The following ZNF385D variants were observed in gnomAD, a reference collection of about 807,000 sequenced individuals.
ZNF385D encodes the protein zinc finger protein 659.
ZNF385D carries 15 observed loss-of-function variants against 35.8 expected under a neutral mutation model. The ratio of observed to expected loss-of-function variants is 0.42; its 90% confidence interval spans 0.28 to 0.64. The LOEUF is 0.64. Ranked by LOEUF, ZNF385D falls within the 30% of genes least tolerant of loss-of-function variation. ZNF385D has a pLI of 0.23. For synonymous variants in ZNF385D, 212 were observed against 186.8 expected (o/e 1.13, Z -1.10); for missense variants, 474 against 494.6 (o/e 0.96, Z 0.39).
At chr3:21,727,535 A>G (rs186296134) in intron 1 of ZNF385D, among the ~76,000 whole-genome samples, 41 of 152,380 alleles carry the variant, frequency 2.7e-4, no homozygotes, top group African/African-American at 9.1e-4. Context: ...TCTCAAAAGG[A>G]GACATTTATG....
intron 3 of ZNF385D, among the ~76,000 whole-genome samples, chr3:21,889,357 G>A (rs149030972): frequency 2.0e-3 from 298 of 152,212 alleles, no homozygotes; most frequent in Middle Eastern, 0.014. Context: ...GGCGCCAGAC[G>A]ACCTAGCCTG....
At chr3:21,567,736 G>GAAAT (rs1425298412) in intron 2 of ZNF385D, among the ~76,000 whole-genome samples, 1 of 152,050 alleles carries the variant, frequency 6.6e-6, no homozygotes, top group Non-Finnish European at 1.5e-5. Flanking sequence ...ATGATACTTT[G>GAAAT]AAATAAAAAT....
At chr3:22,121,336 C>T (rs1703078806) in intron 3 of ZNF385D, among the ~76,000 whole-genome samples, 1 of 152,192 alleles carries the variant, frequency 6.6e-6, no homozygotes, top group South Asian at 2.1e-4. Context: ...TCACACAGGA[C>T]CTCATGCATG....
At chr3:21,938,102 T>C (rs1701347403) in intron 3 of ZNF385D, among the ~76,000 whole-genome samples, 1 of 152,242 alleles carries the variant, frequency 6.6e-6, no homozygotes, top group South Asian at 2.1e-4. Context: ...GCATAGAATA[T>C]TGTAGACAAT....
At chr3:22,357,860 C>T (rs1696227758) in intron 2 of ZNF385D, among the ~76,000 whole-genome samples, 1 of 152,022 alleles carries the variant, frequency 6.6e-6, no homozygotes, top group African/African-American at 2.4e-5. Flanking sequence ...AGTAATCTAA[C>T]TTCAAGGGGG....
At chr3:21,885,259 T>C (rs966813153) in intron 3 of ZNF385D, among the ~76,000 whole-genome samples, 1 of 152,068 alleles carries the variant, frequency 6.6e-6, no homozygotes, top group African/African-American at 2.4e-5. Flanking sequence ...CCAAAATTCA[T>C]TTTTTTCTTT....
chr3:21,737,441 T>G (rs2069297078), intron 1 of ZNF385D, among the ~76,000 whole-genome samples: 1 of 148,856 alleles, frequency 6.7e-6, no homozygotes, highest in African/African-American at 2.5e-5. Flanking sequence ...TTCCATTATA[T>G]GTATAAACAA....
chr3:22,126,664 G>T (rs1017699276), intron 3 of ZNF385D, among the ~76,000 whole-genome samples: 1 of 152,038 alleles, frequency 6.6e-6, no homozygotes, highest in Admixed American at 6.6e-5. Flanking sequence ...TGCAGCCATT[G>T]GATGAAATGT....
intron 1 of ZNF385D, among the ~76,000 whole-genome samples, chr3:21,721,265 C>A (rs1042528885): frequency 6.6e-6 from 1 of 152,008 alleles, no homozygotes; most frequent in Non-Finnish European, 1.5e-5. Context: ...ATTTAAGATT[C>A]TTACCTTCAG....
At chr3:22,368,627 G>A (rs1696763820) in intron 2 of ZNF385D, among the ~76,000 whole-genome samples, 1 of 152,102 alleles carries the variant, frequency 6.6e-6, no homozygotes, top group Admixed American at 6.5e-5. Context: ...GTCTGCAGAT[G>A]GCTATCTTCT....
rs566531217 is a variant in ZNF385D, at chr3:21,957,714, C to T, written c.325+211103G>A. Among the ~76,000 whole-genome samples, 7 of 152,216 alleles carry T rather than the reference C, an allele frequency of 4.6e-5. No homozygotes were observed. The East Asian group carries it at 1.4e-3, about 29-fold the overall frequency. ...TGCCCCATCTCCTCCTTATTTCCAT[C>T]CCATTTTCTCCTACATGGATTTTCC... On this transcript the variant is annotated intron_variant, in intron 3 of 5. Transcript: ENST00000494108.
At chr3:22,008,362 T>C (rs1387489851) in intron 3 of ZNF385D, among the ~76,000 whole-genome samples, 1 of 146,310 alleles carries the variant, frequency 6.8e-6, no homozygotes, top group Non-Finnish European at 1.5e-5. Flanking sequence ...ATGATTTTCT[T>C]TTTTTTTTTT....
At chr3:22,348,688 G>A (rs112926513) in intron 2 of ZNF385D, among the ~76,000 whole-genome samples, 4 of 138,464 alleles carry the variant, frequency 2.9e-5, no homozygotes, top group South Asian at 2.4e-4. Context: ...GAAAGGAAGG[G>A]AGGGAGGGAG....
chr3:21,922,536 G>C (rs1700521890), intron 3 of ZNF385D, among the ~76,000 whole-genome samples: 1 of 152,128 alleles, frequency 6.6e-6, no homozygotes, highest in South Asian at 2.1e-4. Context: ...TAAGCAATGA[G>C]GAAAGGACTC....
chr3:21,947,684 A>G (rs1026677601), intron 3 of ZNF385D, among the ~76,000 whole-genome samples: 2 of 151,918 alleles, frequency 1.3e-5, no homozygotes, highest in African/African-American at 2.4e-5. Context: ...TTGCATGACT[A>G]TTTTTTGCGT....
At chr3:21,725,501 A>G (rs1204359253) in intron 1 of ZNF385D, among the ~76,000 whole-genome samples, 1 of 152,230 alleles carries the variant, frequency 6.6e-6, no homozygotes, top group East Asian at 1.9e-4. Context: ...TACAGGGGAT[A>G]TCACAACTGA....
chr3:21,495,947 G>C (rs1705806921), intron 4 of ZNF385D, among the ~76,000 whole-genome samples: 1 of 152,050 alleles, frequency 6.6e-6, no homozygotes, highest in Non-Finnish European at 1.5e-5. Flanking sequence ...AGAAAACCTA[G>C]AAGAGATGGA....
intron 2 of ZNF385D, among the ~76,000 whole-genome samples, chr3:22,333,536 T>G (rs1257297924): frequency 6.6e-6 from 1 of 152,190 alleles, no homozygotes; most frequent in Non-Finnish European, 1.5e-5. Flanking sequence ...ACTGAACTTC[T>G]GTTGTCATCT....
chr3:22,302,752 T>C (rs1319203263), intron 2 of ZNF385D, among the ~76,000 whole-genome samples: 1 of 152,136 alleles, frequency 6.6e-6, no homozygotes, highest in Non-Finnish European at 1.5e-5. Flanking sequence ...TTTTCTAATA[T>C]TGTTCCAATT....
Sources: gnomAD v4.1 joint callset for allele counts (sites outside exome capture counted in the v4.1 genomes callset) on GRCh38, gnomAD v4.1.1 for gene constraint, MANE v1.5 for transcripts, NCBI Gene and HGNC (gene_info 2026-07-23, HGNC 2026-07-21) for gene names.